CTIF: variants seen among roughly 807,000 people sequenced by gnomAD.
CTIF encodes CBP80/20-dependent translation initiation factor.
CTIF carries 21 observed loss-of-function variants against 66.0 expected under a neutral mutation model. The ratio of observed to expected loss-of-function variants is 0.32; its 90% confidence interval spans 0.23 to 0.46. The LOEUF (loss-of-function observed/expected upper bound fraction) is 0.46. Among genes scored for constraint, CTIF ranks in the 20% least tolerant of loss-of-function variants. The pLI is 1.00. For missense variants in CTIF, 739 were observed against 812.7 expected (o/e 0.91, Z 1.10); for synonymous variants, 345 against 326.4 (o/e 1.06, Z -0.62).
intron 6 of CTIF, among the ~76,000 whole-genome samples, chr18:48,685,155 G>T (rs1350740286): frequency 6.6e-6 from 1 of 151,478 alleles, no homozygotes; most frequent in Non-Finnish European, 1.5e-5. Flanking sequence ...AGTACAAGCA[G>T]GCCAGTTATT....
At chr18:48,664,939 G>A (rs112465332) in intron 5 of CTIF, among the ~76,000 whole-genome samples, 5 of 135,258 alleles carry the variant, frequency 3.7e-5, no homozygotes, top group African/African-American at 1.1e-4. Flanking sequence ...ACGGAGTCTC[G>A]CTCTGTCGCC....
chr18:48,613,226 C>A (rs1335726047), intron 1 of CTIF, among the ~76,000 whole-genome samples: 1 of 152,130 alleles, frequency 6.6e-6, no homozygotes, highest in Non-Finnish European at 1.5e-5. Context: ...TGGGATGGCT[C>A]CACTGATTGT....
chr18:48,723,327 A>C (rs2092357947), intron 7 of CTIF, among the ~76,000 whole-genome samples: 1 of 151,480 alleles, frequency 6.6e-6, no homozygotes, highest in Non-Finnish European at 1.5e-5. Flanking sequence ...CTGCTGCCTC[A>C]TTCAAAGGGA....
Position 48,546,081 on chromosome 18 carries a change from C to T in CTIF, c.-29+6769C>T, listed in dbSNP as rs192979512. ...TGTACAGAGTGGGGAAGCCCTGGAA[C>T]CTGCTTCCAGGAGCAGGTAGTTTTG... On this transcript the variant is annotated intron_variant, in intron 1 of 11. Coordinates refer to ENST00000256413, the MANE Select transcript of CTIF (RefSeq NM_014772.3). Among the ~76,000 whole-genome samples, 92 of 152,268 alleles carry T rather than the reference C, an allele frequency of 6.0e-4. 1 individual carries two copies. The highest frequency in any genetic ancestry group is 5.9e-3 in the Admixed American group (90 of 15,296).
At chr18:48,559,045 T>C (rs1035306151) in intron 1 of CTIF, among the ~76,000 whole-genome samples, 4 of 152,198 alleles carry the variant, frequency 2.6e-5, no homozygotes, top group African/African-American at 9.7e-5. Flanking sequence ...GAATATCCTC[T>C]CCCGTCTTGT....
intron 9 of CTIF, among the ~76,000 whole-genome samples, chr18:48,779,847 A>G (rs1302530956): frequency 6.6e-6 from 1 of 152,192 alleles, no homozygotes; most frequent in African/African-American, 2.4e-5. Context: ...CAAAGAGAAG[A>G]CCACTTAGAT....
chr18:48,701,189 G>T (rs1470564013), intron 6 of CTIF, among the ~76,000 whole-genome samples: 1 of 152,290 alleles, frequency 6.6e-6, no homozygotes, highest in African/African-American at 2.4e-5. Flanking sequence ...AGGGGCTGCA[G>T]AATGGAAACT....
chr18:48,655,697 T>G (rs2091236717), intron 3 of CTIF, among the ~76,000 whole-genome samples: 1 of 152,168 alleles, frequency 6.6e-6, no homozygotes, highest in Admixed American at 6.5e-5. Flanking sequence ...GGCTGAGGGC[T>G]GGCCACCTCT....
At chr18:48,591,952 T>C (rs548917782) in intron 1 of CTIF, among the ~76,000 whole-genome samples, 30 of 152,278 alleles carry the variant, frequency 2.0e-4, no homozygotes, top group Middle Eastern at 6.8e-3. Flanking sequence ...GGATCTCACT[T>C]TGCTGCCCCA....
rs564827749 is a variant in CTIF at position 48,706,551 on chromosome 18, C to T, written c.508-5068C>T. Among the ~76,000 whole-genome samples, 64 of 152,296 alleles carry T rather than the reference C, an allele frequency of 4.2e-4. 1 individual carries two copies. The highest frequency in any genetic ancestry group is 5.7e-4 in the Non-Finnish European group (39 of 68,016). ...ATCACAGGGCAAGGCCTCGCACTCT[C>T]TGCCTAGGATTATTAACTATCTGGG... On this transcript the variant is annotated intron_variant, in intron 6 of 11. Coordinates refer to ENST00000256413, the MANE Select transcript of CTIF (RefSeq NM_014772.3).
chr18:48,548,224 T>C (rs1363336700), intron 1 of CTIF, among the ~76,000 whole-genome samples: 1 of 152,198 alleles, frequency 6.6e-6, no homozygotes, highest in African/African-American at 2.4e-5. Context: ...TGTTCCCTTA[T>C]AGGGCCTTCC....
chr18:48,713,492 C>T (rs1365036796), intron 7 of CTIF, among the ~76,000 whole-genome samples: 3 of 152,084 alleles, frequency 2.0e-5, no homozygotes, highest in Non-Finnish European at 4.4e-5. Context: ...AGGAGCGCGG[C>T]ATGCAACGGC....
At chr18:48,562,283 A>G (rs559446789) in intron 1 of CTIF, among the ~76,000 whole-genome samples, 1 of 152,386 alleles carries the variant, frequency 6.6e-6, no homozygotes, top group South Asian at 2.1e-4. Context: ...TTTAGAGAGG[A>G]GAAAACTGAG....
chr18:48,769,994 G>A (rs1386977437), intron 9 of CTIF, among the ~76,000 whole-genome samples: 2 of 152,200 alleles, frequency 1.3e-5, no homozygotes, highest in Non-Finnish European at 2.9e-5. Flanking sequence ...GGTGGGGCGG[G>A]GGAACATGTG....
chr18:48,635,921 T>G (rs921692724), intron 2 of CTIF, among the ~76,000 whole-genome samples: 1 of 152,196 alleles, frequency 6.6e-6, no homozygotes, highest in African/African-American at 2.4e-5. Context: ...AGACTCCCAA[T>G]GCATCCCTTG....
chr18:48,853,015 C>T (rs2069243579), intron 10 of CTIF, among the ~76,000 whole-genome samples: 1 of 152,150 alleles, frequency 6.6e-6, no homozygotes, highest in Admixed American at 6.5e-5. Flanking sequence ...TTCAAAGGTA[C>T]GTGCATCAGA....
In CTIF at chr18:48,802,962, G is replaced by A. The variant is rs562086029; in HGVS notation, c.1372-14259G>A. ...CTTCTGAGGGCTTTTCAAGGCCACAGCCACAGCAGGTGCTGGCTCCCTTGC... is the reference window on the plus strand; with the variant it reads ...CTTCTGAGGGCTTTTCAAGGCCACAACCACAGCAGGTGCTGGCTCCCTTGC... On this transcript the variant is annotated intron_variant, in intron 9 of 11. Transcript: ENST00000256413. Among the ~76,000 whole-genome samples the A allele has an allele frequency of 1.2e-4, 19 of 152,370 alleles. No homozygotes were observed. In the South Asian group the frequency reaches 3.9e-3, roughly 32 times the overall value.
chr18:48,603,475 ATGGGTGGGTGGGTGGG>A (rs532504162), intron 1 of CTIF, among the ~76,000 whole-genome samples: 18 of 52,172 alleles, frequency 3.5e-4, no homozygotes, highest in Non-Finnish European at 7.2e-4. Context: ...GGATGGCTAG[ATGGGTGGGTGGGTGGG>A]TGGGTGGGTG....
At chr18:48,741,835 T>C (rs1034995325) in intron 7 of CTIF, among the ~76,000 whole-genome samples, 5 of 152,126 alleles carry the variant, frequency 3.3e-5, no homozygotes, top group African/African-American at 1.2e-4. Context: ...CATCTTCCCT[T>C]GGGCCACACT....
Sources: allele counts gnomAD v4.1 joint callset (sites outside exome capture counted in the v4.1 genomes callset), GRCh38; gene constraint gnomAD v4.1.1; transcripts MANE v1.5; gene names NCBI Gene and HGNC (gene_info 2026-07-23, HGNC 2026-07-21).